Variants in EPHX2 observed in about 807,000 individuals in gnomAD.
The protein encoded by EPHX2 is bifunctional epoxide hydrolase 2.
A neutral mutation model predicts 78.7 loss-of-function variants in EPHX2; 74 were observed. That is an observed-to-expected ratio of 0.94 (90% CI 0.78 to 1.14). The LOEUF (loss-of-function observed/expected upper bound fraction) is 1.14. Among genes scored for constraint, EPHX2 ranks in the 50% most tolerant of loss-of-function variants. EPHX2 has a pLI of 0.00. For missense variants in EPHX2, 715 were observed against 702.5 expected, an observed-to-expected ratio of 1.02 and a Z score of -0.20; for synonymous variants, 251 against 255.2, an observed-to-expected ratio of 0.98 and a Z score of 0.16.
Position 27,544,253 on chromosome 8 carries a change from G to A in EPHX2, c.1589+9G>A. ...TGGACACAGATGGACAAGTAAGGAG[G>A]TTGGGGGCTCCTGGGGTCGGGGAGA... On this transcript the variant is annotated intron_variant, in intron 18 of 18. Transcript: ENST00000521400. The A allele has an allele frequency of 6.2e-7, 1 of 1,614,106 alleles. No individual in the cohort carries two copies. The highest frequency in any genetic ancestry group is 8.5e-7 in the Non-Finnish European group (1 of 1,179,954).
intron 14 of EPHX2, among the ~76,000 whole-genome samples, chr8:27,539,923 C>T (rs572797648): frequency 1.3e-5 from 2 of 152,200 alleles, no homozygotes; most frequent in Non-Finnish European, 2.9e-5. Context: ...TGTTCAGGCA[C>T]CAGCATTGAG....
At position 27,544,906 on chromosome 8, in the gene EPHX2, C is replaced by T. The variant is rs2132812227; in HGVS notation, c.*384C>T. 8.9e-6 allele frequency: 2 copies of T among 223,988 alleles called. No homozygotes were observed. The highest frequency in any genetic ancestry group is 1.6e-4 in the South Asian group (2 of 12,888). The allele number at this position is 223,988 out of a possible 1,614,324, so 13.9% of individuals were successfully genotyped here. A position where few individuals can be genotyped will look rare whatever the true frequency, so the allele number is the denominator to read the frequency against. ...GATTGGGATGCCTTACTCAATAAAG[C>T]TAAGATGACTATGCTGCTGGCTGTC... On this transcript the variant is annotated 3_prime_UTR_variant, in exon 19 of 19. Transcript: ENST00000521400.
At position 27,491,163 on chromosome 8, in the gene EPHX2, C is replaced by T. The variant is rs962189445; in HGVS notation, c.-46C>T. ...CATGCGCCCTGGCCTTCGCGCATCTCCCAGGTTAGCTGCGTGTCCGGGTGC... is the reference window on the plus strand; with the variant it reads ...CATGCGCCCTGGCCTTCGCGCATCTTCCAGGTTAGCTGCGTGTCCGGGTGC... On this transcript the variant is annotated 5_prime_UTR_variant, in exon 1 of 19. Transcript: ENST00000521400. 6 of 1,527,700 alleles carry T rather than the reference C, an allele frequency of 3.9e-6. No individual in the cohort carries two copies. The African/African-American group carries it at 8.4e-5, about 21-fold the overall frequency. The allele number at this position is 1,527,700 out of a possible 1,614,324, so 94.6% of individuals were successfully genotyped here.
Position 27,501,387 on chromosome 8 carries a change from C to CTTCT in EPHX2, c.186+379_186+382dup, listed in dbSNP as rs1554519567. On this transcript the variant is annotated intron_variant, in intron 2 of 18. Coordinates refer to ENST00000521400, the MANE Select transcript of EPHX2 (RefSeq NM_001979.6). Reference sequence around the variant, plus strand: ...TCTTCTTCTTCTTCTTCTTCTTCTTCTTCTTCTTTCTTCTTTCTTCTTTCT... The same window carrying CTTCT: ...TCTTCTTCTTCTTCTTCTTCTTCTTCTTCTTTCTTCTTTCTTCTTTCTTCTTTCT... 8.3e-3 allele frequency among the ~76,000 whole-genome samples: 562 copies of CTTCT among 67,324 alleles called. 8 individuals are homozygous for CTTCT. The highest frequency in any genetic ancestry group is 0.024 in the African/African-American group (323 of 13,288). 44.2% of individuals were successfully genotyped at this position (67,324 alleles called of 152,430 possible). A position where few individuals can be genotyped will look rare whatever the true frequency, so the allele number is the denominator to read the frequency against.
chr8:27,517,936 T>G, intron 8 of EPHX2, 102 bp from the exon 9 acceptor site: 1 of 851,686 alleles, frequency 1.2e-6, no homozygotes, highest in African/African-American at 1.7e-5. Context: ...TTTTTGTTGT[T>G]GTTGTTTGGT....
downstream of EPHX2, among the ~76,000 whole-genome samples, chr8:27,547,146 A>C (rs1294422638): frequency 1.3e-5 from 2 of 152,174 alleles, no homozygotes; most frequent in Non-Finnish European, 2.9e-5. Flanking sequence ...TTACAATTTG[A>C]CGTGAGATTT....
chr8:27,496,971 A>G (rs1284300825), intron 1 of EPHX2, among the ~76,000 whole-genome samples: 1 of 152,196 alleles, frequency 6.6e-6, no homozygotes, highest in African/African-American at 2.4e-5. Flanking sequence ...AGGCACAACA[A>G]GAAAGGTGTG....
At chr8:27,531,550 G>A (rs549186521) in intron 12 of EPHX2, among the ~76,000 whole-genome samples, 2 of 152,352 alleles carry the variant, frequency 1.3e-5, no homozygotes, top group African/African-American at 2.4e-5. Flanking sequence ...AGGAATTGGA[G>A]TCATTTTTGT....
chr8:27,527,529 A>G (rs1814892723), intron 12 of EPHX2, among the ~76,000 whole-genome samples: 1 of 152,148 alleles, frequency 6.6e-6, no homozygotes, highest in African/African-American at 2.4e-5. Context: ...CCCTTCGCCC[A>G]TTAAACACTA....
chr8:27,520,006 CTTT>C (rs552549981), intron 9 of EPHX2, among the ~76,000 whole-genome samples: 2 of 141,218 alleles, frequency 1.4e-5, no homozygotes, highest in Admixed American at 7.1e-5. Flanking sequence ...CTTTTCTTTT[CTTT>C]TTTTTTTTTT....
chr8:27,510,019 C>G (rs1013080248), intron 5 of EPHX2, among the ~76,000 whole-genome samples: 3 of 152,186 alleles, frequency 2.0e-5, no homozygotes, highest in Middle Eastern at 3.2e-3. Flanking sequence ...GGCTCATGGC[C>G]ATCAGGAGAC....
At chr8:27,505,263 A>G (rs1813960475) in intron 4 of EPHX2, 117 bp downstream of exon 4, 6 of 958,424 alleles carry the variant, frequency 6.3e-6, no homozygotes, top group Non-Finnish European at 9.5e-6. Context: ...CTCTGAGTCC[A>G]CTTCTCCCAG....
intron 2 of EPHX2, among the ~76,000 whole-genome samples, chr8:27,501,396 T>C (rs187903154): frequency 0.096 from 12,418 of 128,960 alleles, 952 homozygotes; most frequent in African/African-American, 0.14. Flanking sequence ...TCTTCTTCTT[T>C]CTTCTTTCTT....
chr8:27,518,008 T>G lies in EPHX2; in HGVS notation c.911-30T>G. ...TTGATATATTTTAAGTAACGTGAAT[T>G]AAATATGTTTCTTTTATTTTTAATT... On this transcript the variant is annotated intron_variant, in intron 8 of 18. Coordinates refer to ENST00000521400, the MANE Select transcript of EPHX2 (RefSeq NM_001979.6). 3.2e-6 allele frequency: 5 copies of G among 1,548,242 alleles called. No homozygotes were observed. In the South Asian group the frequency reaches 3.5e-5, roughly 11 times the overall value.
chr8:27,520,985 TCG>T (rs1165218864), intron 10 of EPHX2, 76 bp downstream of exon 10: 1 of 1,594,838 alleles, frequency 6.3e-7, no homozygotes, highest in Non-Finnish European at 8.6e-7. Context: ...GGCGTCAGCC[TCG>T]AGCAGAGGTG....
chr8:27,543,696 G>C lies in EPHX2; in HGVS notation c.1450-53G>C, dbSNP rs1815485301. The C allele has an allele frequency of 5.7e-6, 9 of 1,589,492 alleles. No individual in the cohort carries two copies. The South Asian group carries it at 9.0e-5, about 16-fold the overall frequency. ...AGCAGGGGTCTTTCAGAGGAGGAGGGAGGGCTTCCTTTGTGGAGTGCTGGC... is the reference window on the plus strand; with the variant it reads ...AGCAGGGGTCTTTCAGAGGAGGAGGCAGGGCTTCCTTTGTGGAGTGCTGGC... On this transcript the variant is annotated intron_variant, in intron 16 of 18. Transcript: ENST00000521400.
At chr8:27,533,546 G>C (rs956533071) in intron 12 of EPHX2, among the ~76,000 whole-genome samples, 13 of 152,190 alleles carry the variant, frequency 8.5e-5, no homozygotes, top group African/African-American at 3.1e-4. Flanking sequence ...CTGTTGCTCT[G>C]CTGCACTTTT....
intron 12 of EPHX2, among the ~76,000 whole-genome samples, chr8:27,528,016 G>A (rs1399944886): frequency 6.6e-6 from 1 of 152,140 alleles, no homozygotes. Flanking sequence ...ATGCTGGAGG[G>A]GAGCTTGGGC....
intron 12 of EPHX2, among the ~76,000 whole-genome samples, chr8:27,534,712 C>T (rs986108507): frequency 3.9e-5 from 6 of 152,332 alleles, no homozygotes; most frequent in Non-Finnish European, 8.8e-5. Context: ...GTCGCTGGAA[C>T]GAAAGCTTTG....
Sources: gnomAD v4.1 joint callset for allele counts (sites outside exome capture counted in the v4.1 genomes callset) on GRCh38, gnomAD v4.1.1 for gene constraint, MANE v1.5 for transcripts, NCBI Gene and HGNC (gene_info 2026-07-23, HGNC 2026-07-21) for gene names.